The following ASIC2 variants were observed in gnomAD, a reference collection of about 807,000 sequenced individuals.
ASIC2 encodes acid sensing ion channel subunit 2.
ASIC2 carries 25 observed loss-of-function variants against 57.3 expected under a neutral mutation model. The observed-to-expected ratio is 0.44, with a 90% CI of 0.32 to 0.61. The LOEUF is 0.61. Among genes scored for constraint, ASIC2 ranks in the 20% least tolerant of loss-of-function variants. ASIC2 has a pLI of 0.06. For synonymous variants in ASIC2, 319 were observed against 307.5 expected, an observed-to-expected ratio of 1.04 and a Z score of -0.39; for missense variants, 641 against 738.1, an observed-to-expected ratio of 0.87 and a Z score of 1.52.
intron 1 of ASIC2, among the ~76,000 whole-genome samples, chr17:33,983,651 G>A (rs114445310): frequency 0.01 from 1,567 of 152,266 alleles, 38 homozygotes; most frequent in African/African-American, 0.036. Flanking sequence ...GTGCAAATTC[G>A]TGAGCCACCC....
chr17:33,592,328 C>T lies in ASIC2; in HGVS notation c.556-480261G>A, dbSNP rs139066125. Among the ~76,000 whole-genome samples the T allele has an allele frequency of 2.6e-5, 4 of 152,354 alleles. No individual in the cohort carries two copies. The East Asian group carries it at 7.7e-4, about 29-fold the overall frequency. ...TGTCCGATGGTTAACTTAGTCTTAACCTTGGTGTTCACTAGCTGCCGGAGC... is the reference window on the plus strand; with the variant it reads ...TGTCCGATGGTTAACTTAGTCTTAATCTTGGTGTTCACTAGCTGCCGGAGC... On this transcript the variant is annotated intron_variant, in intron 1 of 9. Transcript: ENST00000359872.
At chr17:33,402,049 T>C (rs748007119) in intron 1 of ASIC2, among the ~76,000 whole-genome samples, 5 of 152,196 alleles carry the variant, frequency 3.3e-5, no homozygotes, top group African/African-American at 1.2e-4. Context: ...AGAAATATTC[T>C]TGGAGGTCTT....
chr17:33,204,855 A>G (rs1337027557), intron 1 of ASIC2, among the ~76,000 whole-genome samples: 1 of 152,250 alleles, frequency 6.6e-6, no homozygotes, highest in Non-Finnish European at 1.5e-5. Flanking sequence ...CAGAAGGGCC[A>G]TGAATGAAGC....
intron 1 of ASIC2, among the ~76,000 whole-genome samples, chr17:33,999,450 C>T (rs149256997): frequency 6.6e-6 from 1 of 152,180 alleles, no homozygotes; most frequent in East Asian, 1.9e-4. Flanking sequence ...TTCTTCCTCT[C>T]TGGTTGTCGT....
At chr17:33,736,841 G>A (rs555417618) in intron 1 of ASIC2, among the ~76,000 whole-genome samples, 16 of 152,260 alleles carry the variant, frequency 1.1e-4, no homozygotes, top group South Asian at 6.2e-4. Context: ...TACTTTACAC[G>A]GAAACGTGCT....
intron 1 of ASIC2, among the ~76,000 whole-genome samples, chr17:33,622,110 A>G (rs1482767378): frequency 1.3e-5 from 2 of 151,886 alleles, no homozygotes; most frequent in African/African-American, 2.4e-5. Flanking sequence ...TCAGGATCCT[A>G]CTAGGTGCCT....
At chr17:33,456,150 CATTACCTTGAAGG>C (rs1567618416) in intron 1 of ASIC2, among the ~76,000 whole-genome samples, 1 of 152,226 alleles carries the variant, frequency 6.6e-6, no homozygotes, top group African/African-American at 2.4e-5. Flanking sequence ...CTGCCTCATC[CATTACCTTGAAGG>C]TTATTTTTGG....
chr17:34,063,700 T>C (rs957530243), intron 1 of ASIC2, among the ~76,000 whole-genome samples: 2 of 152,104 alleles, frequency 1.3e-5, no homozygotes, highest in African/African-American at 4.8e-5. Flanking sequence ...TGTACACAAA[T>C]TAGTAGCTCT....
chr17:33,868,650 A>G (rs987644601), intron 1 of ASIC2, among the ~76,000 whole-genome samples: 13 of 152,236 alleles, frequency 8.5e-5, no homozygotes, highest in Admixed American at 8.5e-4. Context: ...CCATCAAGAA[A>G]GAGAAAAGAA....
intron 1 of ASIC2, among the ~76,000 whole-genome samples, chr17:33,469,714 G>T (rs1367326127): frequency 1.3e-5 from 2 of 152,114 alleles, no homozygotes; most frequent in African/African-American, 4.8e-5. Flanking sequence ...TTCCCTTCAG[G>T]GTTAGCTGAG....
Position 33,325,179 on chromosome 17 carries a change from G to T in ASIC2, c.556-213112C>A, listed in dbSNP as rs140531673. Among the ~76,000 whole-genome samples, 613 of 152,328 alleles carry T rather than the reference G, an allele frequency of 4.0e-3. 2 individuals carry two copies. Among genetic ancestry groups the T allele is most frequent in the African/African-American group, 0.014 (568 of 41,574 alleles). Reference sequence around the variant, plus strand: ...AGATCTTGGCTCTGTGGAGCTCATAGTCCAGTGAGGAAAGCAGACAATAAG... The same window carrying T: ...AGATCTTGGCTCTGTGGAGCTCATATTCCAGTGAGGAAAGCAGACAATAAG... On this transcript the variant is annotated intron_variant, in intron 1 of 9. Coordinates refer to the ASIC2 transcript ENST00000359872.
chr17:33,437,022 C>G (rs914744754), intron 1 of ASIC2, among the ~76,000 whole-genome samples: 1 of 150,646 alleles, frequency 6.6e-6, no homozygotes, highest in Non-Finnish European at 1.5e-5. Context: ...CCCGCTACCA[C>G]GCCCGGCTAA....
At chr17:33,870,471 C>G (rs1051988349) in intron 1 of ASIC2, among the ~76,000 whole-genome samples, 2 of 151,862 alleles carry the variant, frequency 1.3e-5, no homozygotes, top group African/African-American at 4.8e-5. Flanking sequence ...AGCTGACAGG[C>G]ATTTAGAGGG....
chr17:33,332,543 T>C (rs1907353361), intron 1 of ASIC2, among the ~76,000 whole-genome samples: 1 of 152,110 alleles, frequency 6.6e-6, no homozygotes, highest in African/African-American at 2.4e-5. Context: ...GGTTATTGGA[T>C]TGGACAAGGC....
chr17:33,090,306 C>T (rs1213599439), intron 2 of ASIC2, among the ~76,000 whole-genome samples: 1 of 152,240 alleles, frequency 6.6e-6, no homozygotes, highest in African/African-American at 2.4e-5. Context: ...CCTGCCATAG[C>T]ACATCGTGAT....
At chr17:33,751,967 GA>G (rs1415689290) in intron 1 of ASIC2, among the ~76,000 whole-genome samples, 1 of 142,684 alleles carries the variant, frequency 7.0e-6, no homozygotes, top group Non-Finnish European at 1.5e-5. Flanking sequence ...TGGGGGTGGG[GA>G]AGATTATACT....
chr17:33,383,772 G>A (rs755702750), intron 1 of ASIC2, among the ~76,000 whole-genome samples: 3 of 152,342 alleles, frequency 2.0e-5, no homozygotes, highest in African/African-American at 7.2e-5. Flanking sequence ...GGCAGGGATG[G>A]TGATTATGTC....
chr17:33,468,199 G>T (rs181179189), intron 1 of ASIC2, among the ~76,000 whole-genome samples: 1 of 152,182 alleles, frequency 6.6e-6, no homozygotes, highest in African/African-American at 2.4e-5. Flanking sequence ...CCCCAGCCAC[G>T]ATGGATTCCA....
intron 1 of ASIC2, among the ~76,000 whole-genome samples, chr17:33,866,966 C>A (rs1253403787): frequency 6.6e-6 from 1 of 152,122 alleles, no homozygotes; most frequent in East Asian, 1.9e-4. Flanking sequence ...ACACATCAGT[C>A]ATGCAGGAAA....
Sources: allele counts gnomAD v4.1 joint callset (sites outside exome capture counted in the v4.1 genomes callset), GRCh38; gene constraint gnomAD v4.1.1; transcripts MANE v1.5; gene names NCBI Gene and HGNC (gene_info 2026-07-23, HGNC 2026-07-21).